UBXN7: variants seen among roughly 807,000 people sequenced by gnomAD.
UBXN7 encodes UBX domain-containing protein 7.
Under a neutral mutation model 58.0 loss-of-function variants are expected in UBXN7, and 9 were observed. The observed-to-expected ratio is 0.16, with a 90% CI of 0.09 to 0.27. The LOEUF (loss-of-function observed/expected upper bound fraction) is 0.27, where lower values mean the gene tolerates loss of function less well. Ranked by LOEUF, UBXN7 falls within the 10% of genes least tolerant of loss-of-function variation. The pLI is 1.00. For synonymous variants in UBXN7, 208 were observed against 205.0 expected (o/e 1.01, Z -0.12); for missense variants, 328 against 599.6 (o/e 0.55, Z 4.73).
intron 2 of UBXN7, among the ~76,000 whole-genome samples, chr3:196,406,620 T>C (rs1337685917): frequency 6.6e-6 from 1 of 151,810 alleles, no homozygotes; most frequent in Non-Finnish European, 1.5e-5. Context: ...TTGTATTTTT[T>C]TTTTTAGTAG....
In UBXN7 at chr3:196,407,293, C is replaced by T. The variant is rs1312514690; in HGVS notation, c.174G>A (p.Glu58=). The T allele has an allele frequency of 1.9e-6, 3 of 1,614,054 alleles. No homozygotes were observed. The highest frequency in any genetic ancestry group is 1.6e-4 in the Middle Eastern group (1 of 6,084). The change falls in exon 2 of 11, where the codon GAG becomes GAA. Residue 58 remains glutamate, a synonymous_variant. Transcript: ENST00000296328. The part of the protein sequence containing the change: ...MFLDGGGIAE[E]PSTSSASVST... ...AGACACTTGCTGAACTGGTACTGGGCTCTTCAGCGATTCCTCCACCATCCA... is the reference window on the plus strand; with the variant it reads ...AGACACTTGCTGAACTGGTACTGGGTTCTTCAGCGATTCCTCCACCATCCA...
chr3:196,378,605 C>A (rs932865496), intron 5 of UBXN7, among the ~76,000 whole-genome samples: 2 of 152,190 alleles, frequency 1.3e-5, no homozygotes, highest in Non-Finnish European at 1.5e-5. Context: ...TGGGCAGTTC[C>A]GAGAACTGAG....
chr3:196,420,045 G>A (rs1413247513), intron 1 of UBXN7, among the ~76,000 whole-genome samples: 1 of 152,214 alleles, frequency 6.6e-6, no homozygotes, highest in African/African-American at 2.4e-5. Context: ...AACAAGTTTA[G>A]TGAAGTTACA....
chr3:196,426,279 A>C (rs967753760), intron 1 of UBXN7, among the ~76,000 whole-genome samples: 1 of 151,230 alleles, frequency 6.6e-6, no homozygotes. Flanking sequence ...CCAGCTGCTC[A>C]GGAGGCTGAG....
chr3:196,378,147 G>A (rs557914608), intron 5 of UBXN7, among the ~76,000 whole-genome samples: 4 of 151,842 alleles, frequency 2.6e-5, no homozygotes, highest in East Asian at 1.9e-4. Flanking sequence ...GATTATAAAC[G>A]CTACAATGGC....
Position 196,368,032 on chromosome 3 carries a change from C to T in UBXN7, c.830G>A (p.Arg277His). The T allele has an allele frequency of 1.9e-6, 3 of 1,612,732 alleles. No individual in the cohort carries two copies. The highest frequency in any genetic ancestry group is 2.5e-6 in the Non-Finnish European group (3 of 1,179,562). ...LSSSPPKKCA[R>H]SESLIDASED... ...CCACCTCCTAATTATACTTACTGAA[C>T]GGGCACATTTTTTGGGGGGACTGCT... is the stretch of plus-strand genomic sequence containing the variant. Residue 277 changes from arginine to histidine, a missense_variant, in exon 8 of 11, where the codon CGT becomes CAT. Coordinates refer to ENST00000296328, the MANE Select transcript of UBXN7 (RefSeq NM_015562.2).
At chr3:196,397,463 C>T (rs900981887) in intron 3 of UBXN7, 4 of 152,330 alleles carry the variant, frequency 2.6e-5, no homozygotes, top group East Asian at 1.9e-4. Context: ...TTTACTCTCA[C>T]GCAGACACGC....
In UBXN7 at chr3:196,371,375, T is replaced by A. The variant is rs367967360; in HGVS notation, c.615+521A>T. Among the ~76,000 whole-genome samples the A allele has an allele frequency of 7.2e-5, 11 of 152,340 alleles. No homozygotes were observed. The East Asian group carries it at 1.7e-3, about 24-fold the overall frequency. ...TATATTGATTTAACCAAATACATTA[T>A]TACAGTTAATTTCATCTATTTTGAT... On this transcript the variant is annotated intron_variant, in intron 6 of 10. Coordinates refer to ENST00000296328, the MANE Select transcript of UBXN7 (RefSeq NM_015562.2).
chr3:196,407,096 G>A (rs1307692443), intron 2 of UBXN7, 150 bp downstream of exon 2: 10 of 1,059,920 alleles, frequency 9.4e-6, no homozygotes, highest in Non-Finnish European at 6.6e-6. Flanking sequence ...TTTAAAGTAT[G>A]TAACTACAAA....
chr3:196,349,893 G>C lies in UBXN7; in HGVS notation c.*6792C>G, dbSNP rs142272327. On this transcript the variant is annotated 3_prime_UTR_variant, in exon 11 of 11. Transcript: ENST00000296328. ...AAAAATATTACTTAGGTTTAGTCCA[G>C]CTTAGCTTGACTATTCTTCCCATTT... 2.0e-5 allele frequency: 3 copies of C among 152,186 alleles called. No homozygotes were observed. The highest frequency in any genetic ancestry group is 4.4e-5 in the Non-Finnish European group (3 of 68,036). 9.4% of individuals were successfully genotyped at this position (152,186 alleles called of 1,614,324 possible).
intron 5 of UBXN7, among the ~76,000 whole-genome samples, chr3:196,372,343 C>CTTTTT (rs894793736): frequency 2.5e-4 from 27 of 107,504 alleles, no homozygotes; most frequent in African/African-American, 4.0e-4. Flanking sequence ...TTCTTTCTTT[C>CTTTTT]TTTTTTTTTT....
chr3:196,360,636 G>A (rs769387775), intron 10 of UBXN7, among the ~76,000 whole-genome samples: 8 of 152,186 alleles, frequency 5.3e-5, no homozygotes, highest in Admixed American at 1.3e-4. Context: ...GAGCTCTGAC[G>A]AAAATGCAAA....
chr3:196,364,025 C>T (rs1440639964), intron 8 of UBXN7, among the ~76,000 whole-genome samples: 1 of 151,922 alleles, frequency 6.6e-6, no homozygotes, highest in Non-Finnish European at 1.5e-5. Context: ...GTCAAAACAC[C>T]ATTCTTTAAA....
chr3:196,356,992 C>G, intron 10 of UBXN7, 146 bp from the exon 11 acceptor site: 1 of 1,114,452 alleles, frequency 9.0e-7, no homozygotes, highest in East Asian at 2.7e-5. Context: ...AAAGCTTGCC[C>G]TTGGGGAAGG....
chr3:196,370,277 T>TG lies in UBXN7; in HGVS notation c.616-767_616-766insC, dbSNP rs564736863. Among the ~76,000 whole-genome samples, 879 of 149,134 alleles carry TG rather than the reference T, an allele frequency of 5.9e-3. 3 individuals are homozygous for TG. Among genetic ancestry groups the TG allele is most frequent in the African/African-American group, 0.02 (810 of 40,664 alleles). ...CTCCACGAGAAGTTTTTTTGTTTTT[T>TG]TTTGTTTGTTTGTTTGTTTTTAAAT... On this transcript the variant is annotated intron_variant, in intron 6 of 10. Transcript: ENST00000296328.
intron 10 of UBXN7, among the ~76,000 whole-genome samples, chr3:196,358,020 G>A (rs894379723): frequency 5.9e-5 from 9 of 151,938 alleles, no homozygotes; most frequent in African/African-American, 1.7e-4. Context: ...CCTGGGCAGA[G>A]CCAGATCGTG....
At chr3:196,366,957 CG>C (rs1456067026) in intron 8 of UBXN7, among the ~76,000 whole-genome samples, 1 of 152,036 alleles carries the variant, frequency 6.6e-6, no homozygotes, top group Non-Finnish European at 1.5e-5. Context: ...CCGAGAAGGG[CG>C]GATCACTTGA....
intron 5 of UBXN7, among the ~76,000 whole-genome samples, chr3:196,375,044 G>A (rs963756507): frequency 1.1e-5 from 1 of 90,122 alleles, no homozygotes; most frequent in Non-Finnish European, 2.3e-5. Context: ...GGAAGGAAGG[G>A]AAAGGAAAGG....
chr3:196,376,735 T>TC (rs1729040636), intron 5 of UBXN7, among the ~76,000 whole-genome samples: 1 of 151,492 alleles, frequency 6.6e-6, no homozygotes, highest in Non-Finnish European at 1.5e-5. Flanking sequence ...AAAATGTGGG[T>TC]TTTTTTTCCT....
Sources: gnomAD v4.1 joint callset for allele counts (sites outside exome capture counted in the v4.1 genomes callset) on GRCh38, gnomAD v4.1.1 for gene constraint, MANE v1.5 for transcripts, NCBI Gene and HGNC (gene_info 2026-07-23, HGNC 2026-07-21) for gene names.